CORO2B: variants seen among roughly 807,000 people sequenced by gnomAD.
The protein encoded by CORO2B is coronin 2B, also known as coronin-2B.
A neutral mutation model predicts 58.8 loss-of-function variants in CORO2B; 26 were observed. The ratio of observed to expected loss-of-function variants is 0.44; its 90% CI spans 0.32 to 0.61. The LOEUF (loss-of-function observed/expected upper bound fraction) is 0.61, where lower values mean the gene tolerates loss of function less well. Among genes scored for constraint, CORO2B ranks in the 20% least tolerant of loss-of-function variants. The pLI, the probability that CORO2B is intolerant of heterozygous loss-of-function variation, is 0.04. For synonymous variants in CORO2B, 242 were observed against 253.8 expected (o/e 0.95, Z 0.44); for missense variants, 460 against 645.1 (o/e 0.71, Z 3.11).
intron 1 of CORO2B, among the ~76,000 whole-genome samples, chr15:68,631,360 G>A (rs1422684356): frequency 6.6e-6 from 1 of 152,230 alleles, no homozygotes; most frequent in African/African-American, 2.4e-5. Flanking sequence ...AAAAGTTTAT[G>A]AACTTGTCTA....
chr15:68,610,051 C>T (rs913539962), intron 1 of CORO2B, among the ~76,000 whole-genome samples: 1 of 152,160 alleles, frequency 6.6e-6, no homozygotes, highest in Non-Finnish European at 1.5e-5. Context: ...AAAATGGATG[C>T]GGTGACAATT....
chr15:68,604,239 T>C (rs539608271), intron 1 of CORO2B, among the ~76,000 whole-genome samples: 1 of 152,098 alleles, frequency 6.6e-6, no homozygotes, highest in Non-Finnish European at 1.5e-5. Flanking sequence ...CCAGCATTGC[T>C]CAGAGTTTTT....
intron 2 of CORO2B, among the ~76,000 whole-genome samples, chr15:68,668,678 T>C (rs1472064085): frequency 6.6e-6 from 1 of 152,138 alleles, no homozygotes; most frequent in African/African-American, 2.4e-5. Flanking sequence ...CCACGCCAGT[T>C]TGGATTTTCT....
the CORO2B span, among the ~76,000 whole-genome samples, chr15:68,532,829 C>A: frequency 1.3e-5 from 2 of 152,146 alleles, no homozygotes; most frequent in South Asian, 4.1e-4. Context: ...TTTATTAGGG[C>A]AGCTCTGGTA....
Position 68,642,800 on chromosome 15 carries a change from G to T in CORO2B, c.16-2360G>T, listed in dbSNP as rs1301327366. Reference sequence around the variant, plus strand: ...CACTGTGGACTATGTAGATCAGAGTGAGTCAGGCCTTAAAGGCTGAGGGTT... The same window carrying T: ...CACTGTGGACTATGTAGATCAGAGTTAGTCAGGCCTTAAAGGCTGAGGGTT... On this transcript the variant is annotated intron_variant, in intron 1 of 11. Transcript: ENST00000261861. Among the ~76,000 whole-genome samples, 5 of 152,178 alleles carry T rather than the reference G, an allele frequency of 3.3e-5. No individual in the cohort carries two copies. The South Asian group carries it at 6.2e-4, about 19-fold the overall frequency.
chr15:68,606,312 A>G (rs1471485490), intron 1 of CORO2B, among the ~76,000 whole-genome samples: 3 of 152,260 alleles, frequency 2.0e-5, no homozygotes, highest in East Asian at 3.9e-4. Context: ...CCAAGCAAGC[A>G]TATTAGAATC....
chr15:68,521,742 C>A, the CORO2B span, among the ~76,000 whole-genome samples: 2 of 151,306 alleles, frequency 1.3e-5, no homozygotes, highest in East Asian at 3.9e-4. Context: ...TCACTATATA[C>A]TTCTTTTCTT....
chr15:68,651,669 T>A (rs1901646643), intron 2 of CORO2B, among the ~76,000 whole-genome samples: 1 of 152,136 alleles, frequency 6.6e-6, no homozygotes, highest in Non-Finnish European at 1.5e-5. Flanking sequence ...TTGTCTCAGT[T>A]CTTCTCTAAG....
chr15:68,603,176 T>G (rs1413740728), intron 1 of CORO2B, among the ~76,000 whole-genome samples: 2 of 152,116 alleles, frequency 1.3e-5, no homozygotes, highest in African/African-American at 2.4e-5. Context: ...GTCCACTGTG[T>G]CTTACACGCC....
intron 1 of CORO2B, among the ~76,000 whole-genome samples, chr15:68,605,937 G>A (rs1303931074): frequency 1.3e-5 from 2 of 151,898 alleles, no homozygotes; most frequent in East Asian, 1.9e-4. Context: ...TGTTGGTCAG[G>A]CAGGTCTCAA....
At chr15:68,563,738 A>G in the CORO2B span, among the ~76,000 whole-genome samples, 1 of 152,148 alleles carries the variant, frequency 6.6e-6, no homozygotes, top group African/African-American at 2.4e-5. Context: ...AAAAAAGATT[A>G]TAAATGAATA....
chr15:68,623,931 C>G (rs138754752), intron 1 of CORO2B, among the ~76,000 whole-genome samples: 31 of 152,250 alleles, frequency 2.0e-4, no homozygotes, highest in African/African-American at 7.5e-4. Flanking sequence ...GGAAGATGCC[C>G]TTTCTAATTC....
chr15:68,539,088 G>T, the CORO2B span, among the ~76,000 whole-genome samples: 185 of 152,312 alleles, frequency 1.2e-3, no homozygotes, highest in African/African-American at 4.0e-3. Flanking sequence ...GCTTCTAGAG[G>T]CATAGGAGAC....
the CORO2B span, among the ~76,000 whole-genome samples, chr15:68,534,619 C>G: frequency 6.6e-6 from 1 of 152,210 alleles, no homozygotes; most frequent in Non-Finnish European, 1.5e-5. Context: ...TTTGAAAACA[C>G]GCTGAAGGGT....
At chr15:68,583,561 A>G (rs1899481009) in intron 1 of CORO2B, among the ~76,000 whole-genome samples, 1 of 152,172 alleles carries the variant, frequency 6.6e-6, no homozygotes, top group Non-Finnish European at 1.5e-5. Flanking sequence ...GTGGGACACC[A>G]TCTGCCCTAG....
intron 1 of CORO2B, among the ~76,000 whole-genome samples, chr15:68,625,156 C>G (rs1396075733): frequency 6.6e-6 from 1 of 152,074 alleles, no homozygotes; most frequent in Non-Finnish European, 1.5e-5. Flanking sequence ...CTGGAAGGAC[C>G]CCGTCTTCTC....
intron 2 of CORO2B, among the ~76,000 whole-genome samples, chr15:68,660,174 G>T (rs1595995816): frequency 6.6e-6 from 1 of 152,330 alleles, no homozygotes; most frequent in Non-Finnish European, 1.5e-5. Context: ...GAGGGTTCAT[G>T]TCATGAAAGA....
At chr15:68,719,300 C>T (rs1893106539) in intron 10 of CORO2B, 66 bp downstream of exon 10, 1 of 1,598,178 alleles carries the variant, frequency 6.3e-7, no homozygotes, top group Non-Finnish European at 8.6e-7. Flanking sequence ...GCAGCTCACC[C>T]CAGTTCTCCT....
chr15:68,622,733 G>C (rs561200949), intron 1 of CORO2B, among the ~76,000 whole-genome samples: 19 of 152,118 alleles, frequency 1.2e-4, no homozygotes, highest in Non-Finnish European at 2.5e-4. Flanking sequence ...TCTGAATCCT[G>C]GGGATGCAGC....
Sources: allele counts gnomAD v4.1 joint callset (sites outside exome capture counted in the v4.1 genomes callset), GRCh38; gene constraint gnomAD v4.1.1; transcripts MANE v1.5; gene names NCBI Gene and HGNC (gene_info 2026-07-23, HGNC 2026-07-21).